The following TIMM44 variants were observed in gnomAD, a reference collection of about 807,000 sequenced individuals.
TIMM44 encodes the protein translocase of inner mitochondrial membrane 44, also known as mitochondrial import inner membrane translocase subunit TIM44.
Under a neutral mutation model 63.8 loss-of-function variants are expected in TIMM44, and 37 were observed. The ratio of observed to expected loss-of-function variants is 0.58; its 90% CI spans 0.45 to 0.76. The LOEUF is 0.76. Among genes scored for constraint, TIMM44 ranks in the 30% least tolerant of loss-of-function variants. TIMM44 has a pLI of 0.00. For missense variants in TIMM44, 573 were observed against 603.8 expected, an observed-to-expected ratio of 0.95 and a Z score of 0.54; for synonymous variants, 239 against 245.1, an observed-to-expected ratio of 0.98 and a Z score of 0.23.
Position 7,928,065 on chromosome 19 carries a change from C to G in TIMM44, c.1128+12G>C. On this transcript the variant is annotated intron_variant, in intron 11 of 12. Transcript: ENST00000270538. ...CCGATGGTGGCCCGGGCCCCCACTG[C>G]GAGGTGCTTACGTCGACGTTGTCAA... 8.1e-6 allele frequency: 13 copies of G among 1,612,224 alleles called. No individual in the cohort carries two copies. Among genetic ancestry groups the G allele is most frequent in the Non-Finnish European group, 1.1e-5 (13 of 1,178,898 alleles).
chr19:7,932,385 G>A lies in TIMM44; in HGVS notation c.987+242C>T, dbSNP rs563524933. Reference sequence around the variant, plus strand: ...AACCTCAAAGGAACAACAGCCTCAGGCAGGAGGAGTGAGGGAAACAGACCT... The same window carrying A: ...AACCTCAAAGGAACAACAGCCTCAGACAGGAGGAGTGAGGGAAACAGACCT... On this transcript the variant is annotated intron_variant, in intron 9 of 12. Transcript: ENST00000270538. 7.0e-6 allele frequency: 4 copies of A among 575,232 alleles called. No homozygotes were observed. The East Asian group carries it at 1.2e-4, about 17-fold the overall frequency. The allele number at this position is 575,232 out of a possible 1,614,324, so 35.6% of individuals were successfully genotyped here. A position where few individuals can be genotyped will look rare whatever the true frequency, so the allele number is the denominator to read the frequency against.
At position 7,934,014 on chromosome 19, in the gene TIMM44, G is replaced by A. The variant is rs113707296; in HGVS notation, c.544-11C>T. ...CACGGACTCCACCCCCTGCGAGGGA[G>A]GCACAGCGGGGCTGGGGTGGGTGTC... On this transcript the variant is annotated splice_polypyrimidine_tract_variant and intron_variant, in intron 5 of 12. Coordinates refer to ENST00000270538, the MANE Select transcript of TIMM44 (RefSeq NM_006351.4). The surrounding 1 kb of genome is among the most constrained non-coding windows in gnomAD (Gnocchi z 5.3). 550 of 1,613,870 alleles carry A rather than the reference G, an allele frequency of 3.4e-4. 1 individual carries two copies. In the African/African-American group the frequency reaches 6.6e-3, roughly 19 times the overall value.
chr19:7,927,192 G>T lies in TIMM44; in HGVS notation c.1354C>A (p.Leu452Ile), dbSNP rs758350311. Residue 452 changes from leucine (L) to isoleucine (I), a missense_variant, in exon 13 of 13, where the codon CTC (leucine) becomes ATC (isoleucine). By Grantham distance (5) the Leu-to-Ile change is conservative. Coordinates refer to ENST00000270538, the MANE Select transcript of TIMM44 (RefSeq NM_006351.4). Reference protein sequence around the residue: ...DISASSTEQIL With the variant: ...DISASSTEQII ...ACCTGGCTCCGGCACCACACTCAGAGAATCTGCTCGGTGCTGGAGGCCGAG... is the reference window on the plus strand; with the variant it reads ...ACCTGGCTCCGGCACCACACTCAGATAATCTGCTCGGTGCTGGAGGCCGAG... 1.2e-6 allele frequency: 2 copies of T among 1,608,690 alleles called. No individual in the cohort carries two copies. Among genetic ancestry groups the T allele is most frequent in the South Asian group, 1.1e-5 (1 of 91,010 alleles).
chr19:7,939,630 A>G (rs111263544), intron 2 of TIMM44, among the ~76,000 whole-genome samples: 4,059 of 144,770 alleles, frequency 0.028, 265 homozygotes, highest in South Asian at 0.23. Context: ...AAAAAAAAAA[A>G]GCAGGCTGGA....
chr19:7,932,567 G>A, intron 9 of TIMM44, 60 bp downstream of exon 9: 5 of 1,594,010 alleles, frequency 3.1e-6, no homozygotes, highest in East Asian at 4.5e-5. Flanking sequence ...GGCTGCGGCG[G>A]GGGAGGTGGT....
chr19:7,940,974 G>A, intron 2 of TIMM44, 128 bp downstream of exon 2: 1 of 739,774 alleles, frequency 1.4e-6, no homozygotes, highest in Non-Finnish European at 2.4e-6. Flanking sequence ...GAAAGCCCCG[G>A]ACACAGAAGG....
Position 7,933,005 on chromosome 19 carries a change from G to A in TIMM44, c.770-73C>T. 1.6e-6 allele frequency: 2 copies of A among 1,267,206 alleles called. No homozygotes were observed. Among genetic ancestry groups the A allele is most frequent in the Middle Eastern group, 1.9e-4 (1 of 5,172 alleles). 78.5% of individuals were successfully genotyped at this position (1,267,206 alleles called of 1,614,324 possible). A position where few individuals can be genotyped will look rare whatever the true frequency, so the allele number is the denominator to read the frequency against. ...ACAACCCTCCCTCACAGCTTCTAGA[G>A]GCTCCCTGTGACCCCTGCGGGATCC... On this transcript the variant is annotated intron_variant, in intron 7 of 12. Transcript: ENST00000270538. This position sits in a 1 kb window ranked among gnomAD's most constrained non-coding sequence, Gnocchi z 4.3.
chr19:7,942,640 T>TTA (rs1394158324), intron 1 of TIMM44, among the ~76,000 whole-genome samples: 12 of 150,622 alleles, frequency 8.0e-5, no homozygotes, highest in African/African-American at 2.7e-4. Flanking sequence ...GCCTACTATC[T>TTA]CCTGTATTTA....
intron 12 of TIMM44, 68 bp from the exon 13 acceptor site, chr19:7,927,374 C>G (rs898690663): frequency 7.1e-5 from 112 of 1,574,632 alleles, no homozygotes; most frequent in East Asian, 1.1e-4. Flanking sequence ...TGGGGGGGGG[C>G]CAGGCTCTGT....
chr19:7,927,813 G>T, intron 11 of TIMM44, 46 bp from the exon 12 acceptor site: 2 of 1,581,570 alleles, frequency 1.3e-6, no homozygotes, highest in Non-Finnish European at 1.7e-6. Flanking sequence ...GGACAGCCCG[G>T]CTGCTCCCCT....
At chr19:7,941,737 T>G (rs578042783) in intron 1 of TIMM44, among the ~76,000 whole-genome samples, 21 of 152,058 alleles carry the variant, frequency 1.4e-4, no homozygotes, top group Admixed American at 1.2e-3. Flanking sequence ...CCCCTGAAAC[T>G]GGGGGAAAAC....
rs1221505895 is a variant in TIMM44, at chr19:7,928,143, G to A, written c.1062C>T (p.Pro354=). The change falls in exon 11 of 13, where the codon CCC becomes CCT. Residue 354 remains proline (P), a synonymous_variant. Coordinates refer to ENST00000270538, the MANE Select transcript of TIMM44 (RefSeq NM_006351.4). The part of the protein sequence containing the change: ...YEATYSQLAH[P]IQQAKALGLQ... ...GACCCAGTGCCTTGGCCTGCTGGATGGGGTGGGCCAGCTGGCTGTAAGTCT... is the reference window on the plus strand; with the variant it reads ...GACCCAGTGCCTTGGCCTGCTGGATAGGGTGGGCCAGCTGGCTGTAAGTCT... 1 of 1,613,892 alleles carries A rather than the reference G, an allele frequency of 6.2e-7. No individual in the cohort carries two copies. Among genetic ancestry groups the A allele is most frequent in the Non-Finnish European group, 8.5e-7 (1 of 1,179,898 alleles).
chr19:7,933,382 T>C lies in TIMM44; in HGVS notation c.769+103A>G. 1.9e-6 allele frequency: 2 copies of C among 1,035,552 alleles called. No individual in the cohort carries two copies. The highest frequency in any genetic ancestry group is 3.1e-6 in the Non-Finnish European group (2 of 651,504). 64.1% of individuals were successfully genotyped at this position (1,035,552 alleles called of 1,614,324 possible). On this transcript the variant is annotated intron_variant, in intron 7 of 12. Coordinates refer to ENST00000270538, the MANE Select transcript of TIMM44 (RefSeq NM_006351.4). This position sits in a 1 kb window ranked among gnomAD's most constrained non-coding sequence, Gnocchi z 4.3. Reference sequence around the variant, plus strand: ...GCCCACTCTGACCCCGATCTCCTCCTCTGCAAAACGGGGCTGTCTTGTGCC... The same window carrying C: ...GCCCACTCTGACCCCGATCTCCTCCCCTGCAAAACGGGGCTGTCTTGTGCC...
intron 12 of TIMM44, 126 bp from the exon 13 acceptor site, chr19:7,927,432 A>G: frequency 8.0e-7 from 1 of 1,244,532 alleles, no homozygotes; most frequent in Admixed American, 1.7e-5. Context: ...AGCAGAGGCC[A>G]GCACAATTGC....
chr19:7,938,205 G>C lies in TIMM44; in HGVS notation c.142-8C>G. The stretch of plus-strand genomic sequence containing the variant: ...AGAAGAATATGATTTGGACTAGAAA[G>C]AATGTACAAGAAAAAAAATTTAAAG... On this transcript the variant is annotated splice_polypyrimidine_tract_variant and splice_region_variant and intron_variant, in intron 2 of 12. Transcript: ENST00000270538. 6.2e-7 allele frequency: 1 copy of C among 1,609,004 alleles called. No individual in the cohort carries two copies. Among genetic ancestry groups the C allele is most frequent in the Non-Finnish European group, 8.5e-7 (1 of 1,177,924 alleles).
chr19:7,927,959 A>C (rs1983862384), intron 11 of TIMM44, 118 bp downstream of exon 11: 2 of 1,191,592 alleles, frequency 1.7e-6, no homozygotes, highest in South Asian at 1.3e-5. Flanking sequence ...GGACAAGCCC[A>C]AGACCTCTTG....
At position 7,933,209 on chromosome 19, in the gene TIMM44, G is replaced by GA. The variant is rs754063887; in HGVS notation, c.769+275dup. Among the ~76,000 whole-genome samples the GA allele has an allele frequency of 9.9e-5, 15 of 152,176 alleles. No individual in the cohort carries two copies. The highest frequency in any genetic ancestry group is 1.9e-4 in the East Asian group (1 of 5,184). On this transcript the variant is annotated intron_variant, in intron 7 of 12. Transcript: ENST00000270538. This position sits in a 1 kb window ranked among gnomAD's most constrained non-coding sequence, Gnocchi z 4.3. ...ACTGGCTGTTGCTTTCACTACAAAG[G>GA]AAACACAGGCCTCTAGCAGTCCTCA... is the stretch of plus-strand genomic sequence containing the variant.
chr19:7,928,181 C>T lies in TIMM44; in HGVS notation c.1039-15G>A. 2.5e-6 allele frequency: 4 copies of T among 1,610,264 alleles called. No homozygotes were observed. The highest frequency in any genetic ancestry group is 2.5e-6 in the Non-Finnish European group (3 of 1,177,714). On this transcript the variant is annotated splice_polypyrimidine_tract_variant and intron_variant, in intron 10 of 12. Transcript: ENST00000270538. ...TGGCTGTAAGTCTGCAATGAGAGGC[C>T]GACACGCCTGCGTGATGCCACCCAG...
chr19:7,928,339 A>G (rs1983878511), intron 10 of TIMM44, 173 bp from the exon 11 acceptor site: 2 of 607,538 alleles, frequency 3.3e-6, no homozygotes, highest in South Asian at 1.9e-5. Flanking sequence ...TTACTGGCCC[A>G]GATCACACGC....
Sources: gnomAD v4.1 joint callset for allele counts (sites outside exome capture counted in the v4.1 genomes callset) on GRCh38, gnomAD v4.1.1 for gene constraint, Gnocchi (gnomAD v3.1) non-coding constraint, MANE v1.5 for transcripts, NCBI Gene and HGNC (gene_info 2026-07-23, HGNC 2026-07-21) for gene names.